ARAP2: variants seen among roughly 807,000 people sequenced by gnomAD.
ARAP2 encodes the protein ArfGAP with RhoGAP domain, ankyrin repeat and PH domain 2, also known as arf-GAP with Rho-GAP domain, ANK repeat and PH domain-containing protein 2.
ARAP2 carries 148 observed loss-of-function variants against 194.5 expected under a neutral mutation model. The observed-to-expected ratio is 0.76, with a 90% CI of 0.67 to 0.87. The LOEUF (loss-of-function observed/expected upper bound fraction) is 0.87, where lower values mean the gene tolerates loss of function less well. Among genes scored for constraint, ARAP2 ranks in the 40% least tolerant of loss-of-function variants. The probability of loss-of-function intolerance (pLI) is 0.00; values close to 1 mark genes in which losing one functional copy is unlikely to be tolerated. For missense variants in ARAP2, 2,128 were observed against 1,989.7 expected (o/e 1.07, Z -1.32); for synonymous variants, 695 against 683.5 (o/e 1.02, Z -0.26).
intron 27 of ARAP2, among the ~76,000 whole-genome samples, chr4:36,096,374 A>AAAAG (rs1553899086): frequency 4.2e-5 from 6 of 142,084 alleles, no homozygotes; most frequent in East Asian, 2.0e-4. Flanking sequence ...AAAAAAAAAA[A>AAAAG]AAAAAAGAAA....
chr4:36,120,414 C>A (rs1305121455), intron 23 of ARAP2, among the ~76,000 whole-genome samples: 1 of 151,508 alleles, frequency 6.6e-6, no homozygotes, highest in Non-Finnish European at 1.5e-5. Flanking sequence ...AAGAACTCTA[C>A]AATGGTAACC....
chr4:36,175,874 A>T (rs1044024193), intron 9 of ARAP2, among the ~76,000 whole-genome samples: 1 of 152,098 alleles, frequency 6.6e-6, no homozygotes. Flanking sequence ...CTATTATTGC[A>T]CTGACCTCAC....
intron 3 of ARAP2, among the ~76,000 whole-genome samples, chr4:36,051,445 C>A (rs1447433903): frequency 6.6e-6 from 1 of 151,850 alleles, no homozygotes; most frequent in African/African-American, 2.4e-5. Flanking sequence ...CCATTGCACT[C>A]CAGCCTGGGC....
intron 5 of ARAP2, among the ~76,000 whole-genome samples, chr4:36,039,332 A>T (rs530489876): frequency 6.6e-5 from 10 of 152,342 alleles, no homozygotes; most frequent in Admixed American, 6.5e-4. Context: ...CACATTCTGC[A>T]TAGCCGTTAC....
chr4:36,085,131 T>C (rs182260919), intron 28 of ARAP2, among the ~76,000 whole-genome samples: 1 of 152,116 alleles, frequency 6.6e-6, no homozygotes, highest in East Asian at 1.9e-4. Flanking sequence ...GTATTTAATA[T>C]GAAATTGCCT....
intron 27 of ARAP2, among the ~76,000 whole-genome samples, chr4:36,096,400 C>CTTAAACCCAACA (rs1192673680): frequency 2.7e-5 from 4 of 145,700 alleles, no homozygotes; most frequent in African/African-American, 8.0e-5. Flanking sequence ...AAAAAGTAGT[C>CTTAAACCCAACA]TTAAACCCAA....
chr4:36,243,899 G>A (rs1754084290), intron 1 of ARAP2: 1 of 152,256 alleles, frequency 6.6e-6, no homozygotes. Context: ...TAAAGGTAGG[G>A]GAGAGGAATG....
rs1725833518 is a variant in ARAP2, at chr4:36,067,831, G to A, written c.*76C>T. On this transcript the variant is annotated 3_prime_UTR_variant, in exon 33 of 33. Transcript: ENST00000303965. Reference sequence around the variant, plus strand: ...GCAAATTCTTATGAATTATCTTATAGTTCAGTTTTGGAGTTACACATAAAG... The same window carrying A: ...GCAAATTCTTATGAATTATCTTATAATTCAGTTTTGGAGTTACACATAAAG... 1.2e-5 allele frequency: 17 copies of A among 1,459,436 alleles called. No individual in the cohort carries two copies. The highest frequency in any genetic ancestry group is 2.3e-5 in the East Asian group (1 of 42,846). The allele number at this position is 1,459,436 out of a possible 1,614,324, so 90.4% of individuals were successfully genotyped here. A position where few individuals can be genotyped will look rare whatever the true frequency, so the allele number is the denominator to read the frequency against.
At chr4:36,194,768 C>T (rs1452914427) in intron 6 of ARAP2, among the ~76,000 whole-genome samples, 1 of 152,088 alleles carries the variant, frequency 6.6e-6, no homozygotes, top group Non-Finnish European at 1.5e-5. Context: ...CTGCAGACAA[C>T]ATTTTCACAT....
At position 36,035,753 on chromosome 4, in the gene ARAP2, A is replaced by T. The variant is rs112744941; in HGVS notation, n.607+10226T>A. 2.2e-3 allele frequency among the ~76,000 whole-genome samples: 330 copies of T among 152,252 alleles called. 1 individual carries two copies. The highest frequency in any genetic ancestry group is 7.5e-3 in the African/African-American group (311 of 41,570). On this transcript the variant is annotated intron_variant and non_coding_transcript_variant, in intron 5 of 12. Transcript: ENST00000503225. ...CACTTCAAGATGTCAAAGATGTTCTATATTTTCTCTTATTGTATTACATTT... is the reference window on the plus strand; with the variant it reads ...CACTTCAAGATGTCAAAGATGTTCTTTATTTTCTCTTATTGTATTACATTT...
intron 31 of ARAP2, among the ~76,000 whole-genome samples, chr4:36,076,144 G>A (rs1178990774): frequency 6.6e-6 from 1 of 152,066 alleles, no homozygotes; most frequent in Non-Finnish European, 1.5e-5. Flanking sequence ...CTTTTATCCA[G>A]TCATATCTAT....
chr4:36,218,847 G>T (rs978888685), intron 2 of ARAP2, among the ~76,000 whole-genome samples: 11 of 151,930 alleles, frequency 7.2e-5, no homozygotes, highest in South Asian at 2.1e-4. Flanking sequence ...TAACTCTTAA[G>T]AATAAATAAC....
chr4:36,032,944 GC>G (rs1243359413), intron 5 of ARAP2, among the ~76,000 whole-genome samples: 1 of 152,128 alleles, frequency 6.6e-6, no homozygotes, highest in African/African-American at 2.4e-5. Context: ...TTCTGTTCCT[GC>G]ATTAGTTTGA....
intron 31 of ARAP2, among the ~76,000 whole-genome samples, chr4:36,076,531 C>A (rs978993848): frequency 6.6e-6 from 1 of 151,866 alleles, no homozygotes; most frequent in Non-Finnish European, 1.5e-5. Context: ...ACTGCTTTTG[C>A]TGTTTTTTTT....
chr4:36,129,105 G>A (rs932268132), intron 20 of ARAP2, among the ~76,000 whole-genome samples: 1 of 151,832 alleles, frequency 6.6e-6, no homozygotes, highest in Non-Finnish European at 1.5e-5. Flanking sequence ...AGGCTCTCTG[G>A]TATAAATGTC....
intron 19 of ARAP2, among the ~76,000 whole-genome samples, chr4:36,135,848 T>A (rs568338701): frequency 8.6e-5 from 13 of 151,804 alleles, no homozygotes; most frequent in Admixed American, 1.3e-4. Context: ...TATAAACAAC[T>A]ACAACGGGTG....
rs201552370 is a variant in ARAP2 at position 36,114,251 on chromosome 4, C to T, written c.4075G>A (p.Asp1359Asn). ...PVMEAEELTN[D>N]ILAIKNIIPT... ...ATAATATTTTTTATCGCTAATATATCATTAGTTAATTCTTCTGCTTCCATC... is the reference window on the plus strand; with the variant it reads ...ATAATATTTTTTATCGCTAATATATTATTAGTTAATTCTTCTGCTTCCATC... The change falls in exon 26 of 33, where the codon GAT (aspartate) becomes AAT (asparagine). Residue 1359 changes from aspartate (D) to asparagine (N), a missense_variant. Transcript: ENST00000303965. 46 of 1,597,134 alleles carry T rather than the reference C, an allele frequency of 2.9e-5. No homozygotes were observed. Among genetic ancestry groups the T allele is most frequent in the Non-Finnish European group, 3.3e-5 (39 of 1,167,276 alleles).
At chr4:36,059,438 T>C (rs1724047385) in intron 1 of ARAP2, among the ~76,000 whole-genome samples, 1 of 152,164 alleles carries the variant, frequency 6.6e-6, no homozygotes, top group Non-Finnish European at 1.5e-5. Context: ...TGCCAATCAT[T>C]AGCTGAATAA....
intron 5 of ARAP2, among the ~76,000 whole-genome samples, chr4:36,040,476 A>G (rs1720662109): frequency 6.6e-6 from 1 of 152,132 alleles, no homozygotes; most frequent in South Asian, 2.1e-4. Context: ...ATCCATGAGC[A>G]TAGGATGTTT....
Sources: allele counts gnomAD v4.1 joint callset (sites outside exome capture counted in the v4.1 genomes callset), GRCh38; gene constraint gnomAD v4.1.1; transcripts MANE v1.5; gene names NCBI Gene and HGNC (gene_info 2026-07-23, HGNC 2026-07-21).